SLC16A10: variants seen among roughly 807,000 people sequenced by gnomAD.
SLC16A10 encodes the protein solute carrier family 16 member 10, also known as monocarboxylate transporter 10.
In SLC16A10, 27 loss-of-function variants were observed where a neutral mutation model predicts 40.0. The observed-to-expected ratio is 0.67, with a 90% CI of 0.50 to 0.93. SLC16A10 has a LOEUF of 0.93. Among genes scored for constraint, SLC16A10 ranks in the 40% least tolerant of loss-of-function variants. SLC16A10 has a pLI of 0.00. For missense variants in SLC16A10, 529 were observed against 658.2 expected (o/e 0.80, Z 2.15); for synonymous variants, 213 against 249.8 (o/e 0.85, Z 1.39).
chr6:111,181,812 C>T (rs886646865), intron 3 of SLC16A10, among the ~76,000 whole-genome samples: 4 of 152,118 alleles, frequency 2.6e-5, no homozygotes, highest in Non-Finnish European at 5.9e-5. Flanking sequence ...TTCTTTTAGG[C>T]CTTCCCACTT....
chr6:111,181,814 T>A (rs73765931), intron 3 of SLC16A10, among the ~76,000 whole-genome samples: 2,170 of 152,296 alleles, frequency 0.014, 52 homozygotes, highest in African/African-American at 0.05. Context: ...CTTTTAGGCC[T>A]TCCCACTTAA....
chr6:111,213,478 G>T (rs1464189813), intron 4 of SLC16A10, among the ~76,000 whole-genome samples: 1 of 152,196 alleles, frequency 6.6e-6, no homozygotes, highest in Non-Finnish European at 1.5e-5. Flanking sequence ...GAATGAATTG[G>T]ATCAGTGTTG....
At chr6:111,151,040 A>T (rs1361425) in intron 1 of SLC16A10, among the ~76,000 whole-genome samples, 75,220 of 151,950 alleles carry the variant, frequency 0.5, 19,513 homozygotes, top group East Asian at 0.69. Flanking sequence ...TCCATCCATC[A>T]GGTGACCTCT....
chr6:111,093,693 T>C (rs1771023798), intron 1 of SLC16A10, among the ~76,000 whole-genome samples: 1 of 152,206 alleles, frequency 6.6e-6, no homozygotes, highest in South Asian at 2.1e-4. Flanking sequence ...TTAGTAACAG[T>C]CCTTTGTTGA....
intron 1 of SLC16A10, among the ~76,000 whole-genome samples, chr6:111,106,220 C>T (rs982273542): frequency 1.3e-5 from 2 of 152,180 alleles, no homozygotes; most frequent in Non-Finnish European, 2.9e-5. Flanking sequence ...CATGCCAACA[C>T]ATCAGACAAG....
intron 1 of SLC16A10, among the ~76,000 whole-genome samples, chr6:111,125,136 G>A (rs576464363): frequency 1.4e-4 from 22 of 152,070 alleles, no homozygotes; most frequent in African/African-American, 5.1e-4. Flanking sequence ...TTTTGTTTCC[G>A]AATTCTCAGT....
At position 111,222,290 on chromosome 6, in the gene SLC16A10, C is replaced by T; in HGVS notation, c.*55C>T. The T allele has an allele frequency of 6.5e-7, 1 of 1,533,902 alleles. No homozygotes were observed. The highest frequency in any genetic ancestry group is 2.4e-5 in the East Asian group (1 of 41,680). The stretch of plus-strand genomic sequence containing the variant: ...TGCTTTTTGAATTTTAAGCAAGTTT[C>T]CTTTCCTTTTATACAAATTGCAAAT... On this transcript the variant is annotated 3_prime_UTR_variant, in exon 6 of 6. Coordinates refer to ENST00000368851, the MANE Select transcript of SLC16A10 (RefSeq NM_018593.5).
At chr6:111,096,882 A>AT (rs1771084193) in intron 1 of SLC16A10, among the ~76,000 whole-genome samples, 1 of 151,960 alleles carries the variant, frequency 6.6e-6, no homozygotes, top group Non-Finnish European at 1.5e-5. Flanking sequence ...GCAGTCAGTG[A>AT]TGTGATGGCT....
intron 1 of SLC16A10, among the ~76,000 whole-genome samples, chr6:111,092,412 C>T (rs995972897): frequency 6.6e-6 from 1 of 151,066 alleles, no homozygotes; most frequent in Admixed American, 6.6e-5. Flanking sequence ...CACTGCCTCC[C>T]GGATGCAAGC....
intron 4 of SLC16A10, among the ~76,000 whole-genome samples, chr6:111,210,723 G>A (rs574582116): frequency 1.1e-4 from 17 of 152,268 alleles, no homozygotes; most frequent in Non-Finnish European, 2.1e-4. Context: ...AAGCCAGGAT[G>A]AAGAGACTTT....
At chr6:111,207,974 T>C (rs186566465) in intron 4 of SLC16A10, among the ~76,000 whole-genome samples, 6 of 151,684 alleles carry the variant, frequency 4.0e-5, no homozygotes, top group Admixed American at 3.9e-4. Flanking sequence ...GGGTTGGTGT[T>C]TTTTGGTTTT....
Position 111,195,288 on chromosome 6 carries a change from G to A in SLC16A10, c.943-11304G>A, listed in dbSNP as rs539262537. On this transcript the variant is annotated intron_variant, in intron 3 of 5. Coordinates refer to ENST00000368851, the MANE Select transcript of SLC16A10 (RefSeq NM_018593.5). ...TGAAATACTCCAGGCACAAAAGCACGAATACTGTATGGTTCCGCTTAGATG... is the reference window on the plus strand; with the variant it reads ...TGAAATACTCCAGGCACAAAAGCACAAATACTGTATGGTTCCGCTTAGATG... Among the ~76,000 whole-genome samples, 7 of 152,294 alleles carry A rather than the reference G, an allele frequency of 4.6e-5. No individual in the cohort carries two copies. In the South Asian group the frequency reaches 1.0e-3, roughly 23 times the overall value.
Position 111,177,972 on chromosome 6 carries a change from G to C in SLC16A10, c.942+307G>C, listed in dbSNP as rs552006799. On this transcript the variant is annotated intron_variant, in intron 3 of 5. Coordinates refer to ENST00000368851, the MANE Select transcript of SLC16A10 (RefSeq NM_018593.5). ...GAGGATCACTTGAGCCCAGGAGTTC[G>C]AATCCAGCCTAGACAACATAGAGAG... Among the ~76,000 whole-genome samples the C allele has an allele frequency of 1.6e-3, 247 of 152,192 alleles. 2 individuals carry two copies. The highest frequency in any genetic ancestry group is 5.5e-3 in the African/African-American group (230 of 41,532).
intron 3 of SLC16A10, among the ~76,000 whole-genome samples, chr6:111,186,770 T>TG (rs909190450): frequency 6.6e-6 from 1 of 152,186 alleles, no homozygotes; most frequent in Non-Finnish European, 1.5e-5. Context: ...TTTACCCCTA[T>TG]GCTTTCCCCA....
intron 4 of SLC16A10, 55 bp from the exon 5 acceptor site, chr6:111,218,759 T>C (rs1432174882): frequency 2.8e-6 from 4 of 1,422,652 alleles, no homozygotes; most frequent in Admixed American, 3.4e-5. Context: ...TGTTGCATGG[T>C]AATTGTGACA....
At chr6:111,204,731 T>C (rs1446677447) in intron 3 of SLC16A10, among the ~76,000 whole-genome samples, 2 of 152,172 alleles carry the variant, frequency 1.3e-5, no homozygotes, top group Non-Finnish European at 2.9e-5. Flanking sequence ...GTGTCCTAAA[T>C]TTAAATTAGG....
At chr6:111,178,723 G>A (rs1031504918) in intron 3 of SLC16A10, 1 of 204,696 alleles carries the variant, frequency 4.9e-6, no homozygotes, top group African/African-American at 2.4e-5. Flanking sequence ...TTGTATGTTT[G>A]TGAACTTGGA....
chr6:111,097,401 G>A (rs1219522075), intron 1 of SLC16A10, among the ~76,000 whole-genome samples: 2 of 151,872 alleles, frequency 1.3e-5, no homozygotes, highest in Non-Finnish European at 2.9e-5. Context: ...AACCTCCGAT[G>A]CCTGGGTTCA....
At chr6:111,096,819 T>G (rs1771082322) in intron 1 of SLC16A10, among the ~76,000 whole-genome samples, 1 of 152,058 alleles carries the variant, frequency 6.6e-6, no homozygotes, top group South Asian at 2.1e-4. Flanking sequence ...TCTTTCTTTC[T>G]TTTCTTTTTT....
Sources: gnomAD v4.1 joint callset for allele counts (sites outside exome capture counted in the v4.1 genomes callset) on GRCh38, gnomAD v4.1.1 for gene constraint, MANE v1.5 for transcripts, NCBI Gene and HGNC (gene_info 2026-07-23, HGNC 2026-07-21) for gene names.